The following BCAS3 variants were observed in gnomAD, a reference collection of about 807,000 sequenced individuals.
BCAS3 encodes the protein BCAS3 microtubule associated cell migration factor, also known as BCAS4/BCAS3 fusion.
Under a neutral mutation model 116.1 loss-of-function variants are expected in BCAS3, and 53 were observed. That is an observed-to-expected ratio of 0.46 (90% CI 0.37 to 0.57). The LOEUF is 0.57. Ranked by LOEUF, BCAS3 falls within the 20% of genes least tolerant of loss-of-function variation. The probability of loss-of-function intolerance (pLI) is 0.00; values close to 1 mark genes in which losing one functional copy is unlikely to be tolerated. For synonymous variants in BCAS3, 391 were observed against 408.2 expected, an observed-to-expected ratio of 0.96 and a Z score of 0.51; for missense variants, 917 against 1,165.4, an observed-to-expected ratio of 0.79 and a Z score of 3.10.
intron 6 of BCAS3, among the ~76,000 whole-genome samples, chr17:60,790,703 C>T (rs143889856): frequency 2.0e-5 from 3 of 147,470 alleles, no homozygotes; most frequent in African/African-American, 7.5e-5. Flanking sequence ...ATTTAAATAA[C>T]TATAGTTTTA....
At chr17:60,709,784 C>T (rs1402742266) in intron 5 of BCAS3, among the ~76,000 whole-genome samples, 1 of 152,130 alleles carries the variant, frequency 6.6e-6, no homozygotes, top group African/African-American at 2.4e-5. Context: ...TTTTACATTG[C>T]ATAATATTGG....
chr17:60,729,119 A>G (rs954438341), intron 5 of BCAS3, among the ~76,000 whole-genome samples: 3 of 152,180 alleles, frequency 2.0e-5, no homozygotes, highest in Admixed American at 6.5e-5. Context: ...TGCTAAATAT[A>G]CTTTTTAGAT....
Position 60,910,613 on chromosome 17 carries a change from G to A in BCAS3, c.904G>A (p.Asp302Asn), listed in dbSNP as rs755013090. 5.0e-6 allele frequency: 8 copies of A among 1,613,560 alleles called. No individual in the cohort carries two copies. In the South Asian group the frequency reaches 8.8e-5, roughly 18 times the overall value. ...ACTGCCTTCAGGTGTGACAGAAGATGATGTTGCCATCCACAGTAATTCACG... is the reference window on the plus strand; with the variant it reads ...ACTGCCTTCAGGTGTGACAGAAGATAATGTTGCCATCCACAGTAATTCACG... ...GTLPSGVTED[D>N]VAIHSNSRRS... is the part of the protein sequence containing the mutation. Residue 302 changes from aspartate (D) to asparagine (N), a missense_variant, in exon 12 of 24, where the codon GAT becomes AAT. By Grantham distance (23) the Asp-to-Asn change is conservative. Transcript: ENST00000407086.
intron 14 of BCAS3, among the ~76,000 whole-genome samples, chr17:60,984,565 A>G (rs1010817323): frequency 2.6e-5 from 4 of 152,186 alleles, no homozygotes; most frequent in African/African-American, 9.7e-5. Flanking sequence ...CATATAGTAC[A>G]TAATAATCAC....
intron 15 of BCAS3, among the ~76,000 whole-genome samples, chr17:60,999,270 T>C (rs1050876517): frequency 6.6e-6 from 1 of 152,232 alleles, no homozygotes; most frequent in East Asian, 1.9e-4. Flanking sequence ...TCAGGCGCGG[T>C]GGCTCACGCC....
At chr17:60,816,531 C>G (rs559708321) in intron 7 of BCAS3, among the ~76,000 whole-genome samples, 2 of 152,090 alleles carry the variant, frequency 1.3e-5, no homozygotes, top group Non-Finnish European at 2.9e-5. Context: ...CCTCGGCCCC[C>G]CAAAATGCTG....
chr17:61,220,944 C>CA lies in BCAS3; in HGVS notation c.2425+136386dup, dbSNP rs1443423925. On this transcript the variant is annotated intron_variant, in intron 22 of 23. Transcript: ENST00000407086. The surrounding 1 kb of genome is among the most constrained non-coding windows in gnomAD (Gnocchi z 4.5). The stretch of plus-strand genomic sequence containing the variant: ...TGAAACCCCATCTCTACTAAAAATA[C>CA]AAAAAATTAGCTGGGCATGGTGGCG... Among the ~76,000 whole-genome samples the CA allele has an allele frequency of 6.6e-6, 1 of 151,982 alleles. No individual in the cohort carries two copies. Among genetic ancestry groups the CA allele is most frequent in the African/African-American group, 2.4e-5 (1 of 41,386 alleles).
intron 22 of BCAS3, among the ~76,000 whole-genome samples, chr17:61,311,075 G>A: frequency 6.6e-6 from 1 of 152,158 alleles, no homozygotes. Context: ...AATTCAGTGA[G>A]TTAATATGTG....
chr17:61,096,550 C>A (rs1243850238), intron 22 of BCAS3, among the ~76,000 whole-genome samples: 5 of 152,082 alleles, frequency 3.3e-5, no homozygotes, highest in Admixed American at 3.3e-4. Flanking sequence ...GAGGGGAAAC[C>A]CTGTCTCAAA....
At chr17:61,153,690 C>T (rs2077667964) in intron 22 of BCAS3, among the ~76,000 whole-genome samples, 1 of 152,258 alleles carries the variant, frequency 6.6e-6, no homozygotes, top group South Asian at 2.1e-4. Flanking sequence ...CATTGTATGC[C>T]GTTAGAATCC....
At chr17:61,311,410 T>C (rs1241383183) in intron 22 of BCAS3, among the ~76,000 whole-genome samples, 1 of 152,244 alleles carries the variant, frequency 6.6e-6, no homozygotes, top group Non-Finnish European at 1.5e-5. Flanking sequence ...TTGATGGAGT[T>C]ACATCCTTCA....
In BCAS3 at chr17:61,020,095, A is replaced by G. The variant is rs539388759; in HGVS notation, c.1637+4194A>G. 7.2e-5 allele frequency among the ~76,000 whole-genome samples: 11 copies of G among 152,370 alleles called. No homozygotes were observed. In the East Asian group the frequency reaches 2.1e-3, roughly 29 times the overall value. On this transcript the variant is annotated intron_variant, in intron 16 of 23. Coordinates refer to ENST00000407086, the MANE Select transcript of BCAS3 (RefSeq NM_017679.5). The surrounding 1 kb of genome is among the most constrained non-coding windows in gnomAD (Gnocchi z 4.5). Reference sequence around the variant, plus strand: ...TGTCCGAGGTATTTTGCACATGGTCATAAAATAACCATAAAGTGTTATATT... The same window carrying G: ...TGTCCGAGGTATTTTGCACATGGTCGTAAAATAACCATAAAGTGTTATATT...
At chr17:60,739,058 T>C in intron 5 of BCAS3, among the ~76,000 whole-genome samples, 1 of 152,230 alleles carries the variant, frequency 6.6e-6, no homozygotes, top group South Asian at 2.1e-4. Context: ...TTAGTGATTG[T>C]CCTGGAGTTT....
intron 6 of BCAS3, among the ~76,000 whole-genome samples, chr17:60,787,484 GTTA>G (rs2046379884): frequency 6.6e-6 from 1 of 152,110 alleles, no homozygotes; most frequent in South Asian, 2.1e-4. Context: ...ATTGCTTTGA[GTTA>G]TTATGAGTAA....
chr17:60,771,087 G>A (rs1001548941), intron 6 of BCAS3, among the ~76,000 whole-genome samples: 7 of 151,746 alleles, frequency 4.6e-5, no homozygotes, highest in African/African-American at 7.3e-5. Context: ...GGGTTACAGC[G>A]GTAAACCACC....
intron 12 of BCAS3, among the ~76,000 whole-genome samples, chr17:60,919,356 G>A (rs2058949157): frequency 6.6e-6 from 1 of 152,010 alleles, no homozygotes; most frequent in South Asian, 2.1e-4. Flanking sequence ...CGAAGTCTCG[G>A]TCTGTTGCCA....
At chr17:61,192,983 G>A (rs962220353) in intron 22 of BCAS3, among the ~76,000 whole-genome samples, 4 of 152,118 alleles carry the variant, frequency 2.6e-5, no homozygotes, top group African/African-American at 9.7e-5. Context: ...AGGACACTGC[G>A]GGGCACTGTG....
chr17:61,012,203 G>C lies in BCAS3; in HGVS notation c.1487-3548G>C, dbSNP rs556817323. On this transcript the variant is annotated intron_variant, in intron 15 of 23. Transcript: ENST00000407086. The surrounding 1 kb of genome is among the most constrained non-coding windows in gnomAD (Gnocchi z 4.5). ...TGTAACATTACATTATGAACTCTTT[G>C]AAAGTCCCTTGGACTTACTCCTTCA... 1.1e-3 allele frequency among the ~76,000 whole-genome samples: 166 copies of C among 151,900 alleles called. 1 individual carries two copies. Among genetic ancestry groups the C allele is most frequent in the Non-Finnish European group, 1.8e-3 (122 of 67,908 alleles).
At position 60,989,976 on chromosome 17, in the gene BCAS3, G is replaced by A; in HGVS notation, c.1227G>A (p.Gln409=). ...LHRGETEAKV[Q]DICFSHDCRW... is the part of the protein sequence containing the mutation. ...TTTTCTTATCTCATTTCTAGGTACA[G>A]GACATCTGCTTCAGCCATGACTGTC... The change falls in exon 15 of 24, where the codon CAG becomes CAA. Residue 409 remains glutamine (Q), a synonymous_variant. Coordinates refer to ENST00000407086, the MANE Select transcript of BCAS3 (RefSeq NM_017679.5). The A allele has an allele frequency of 2.5e-6, 4 of 1,613,984 alleles. No homozygotes were observed. Among genetic ancestry groups the A allele is most frequent in the African/African-American group, 2.7e-5 (2 of 75,048 alleles).
Sources: gnomAD v4.1 joint callset for allele counts (sites outside exome capture counted in the v4.1 genomes callset) on GRCh38, gnomAD v4.1.1 for gene constraint, Gnocchi (gnomAD v3.1) non-coding constraint, MANE v1.5 for transcripts, NCBI Gene and HGNC (gene_info 2026-07-23, HGNC 2026-07-21) for gene names.